Variants in SYNE2 observed in about 807,000 individuals in gnomAD.
SYNE2 encodes nesprin-2.
SYNE2 carries 431 observed loss-of-function variants against 856.3 expected under a neutral mutation model. That is an observed-to-expected ratio of 0.50 (90% CI 0.47 to 0.55). The LOEUF (loss-of-function observed/expected upper bound fraction) is 0.55, where lower values mean the gene tolerates loss of function less well. SYNE2 is among the 20% of genes least tolerant of loss of function. The pLI is 0.00. For missense variants in SYNE2, 8,129 were observed against 8,023.2 expected (o/e 1.01, Z -0.50); for synonymous variants, 2,923 against 2,872.3 (o/e 1.02, Z -0.56).
rs376066788 is a variant in SYNE2, at chr14:64,055,910, A to G, written c.9745-34A>G. On this transcript the variant is annotated intron_variant, in intron 48 of 115. Transcript: ENST00000555002. ...TGACAGGAATTCCAAAAGTTTGACA[A>G]TTTTGTCACAGCATTTAATCTCCTA... The G allele has an allele frequency of 6.9e-5, 110 of 1,585,990 alleles. No individual in the cohort carries two copies. In the African/African-American group the frequency reaches 7.9e-4, roughly 11 times the overall value.
At chr14:64,118,706 C>T (rs569866591) in intron 66 of SYNE2, among the ~76,000 whole-genome samples, 2 of 151,826 alleles carry the variant, frequency 1.3e-5, no homozygotes, top group South Asian at 4.2e-4. Context: ...ACTAAAAATA[C>T]AAAAATTAGC....
At chr14:64,037,634 A>G (rs991287254) in intron 45 of SYNE2, among the ~76,000 whole-genome samples, 5 of 150,828 alleles carry the variant, frequency 3.3e-5, no homozygotes, top group Admixed American at 6.6e-5. Flanking sequence ...CCCGTTCTCA[A>G]TGAGCTGTTG....
At chr14:63,993,586 G>A (rs1225142509) in intron 21 of SYNE2, among the ~76,000 whole-genome samples, 1 of 151,992 alleles carries the variant, frequency 6.6e-6, no homozygotes, top group Non-Finnish European at 1.5e-5. Flanking sequence ...TCTTAATCTG[G>A]GCCTTATGTG....
chr14:64,223,336 C>T lies in SYNE2; in HGVS notation c.20338C>T (p.Arg6780Trp), dbSNP rs138437515. Residue 6780 changes from arginine to tryptophan, a missense_variant, in exon 113 of 116, where the codon CGG (arginine) becomes TGG (tryptophan). Arg to Trp is a moderately radical substitution (Grantham distance 101, BLOSUM62 -3). This residue lies in a region of SYNE2 where 5,410 missense variants were observed against 5,284.8 expected (regional missense o/e 1.02). Transcript: ENST00000555002. ...TATTGAGAAGAAACTCAAACAGTTACGGGAGCAAGTGTCCCAAGATTTAAT... is the reference window on the plus strand; with the variant it reads ...TATTGAGAAGAAACTCAAACAGTTATGGGAGCAAGTGTCCCAAGATTTAAT... ...HVIEKKLKQLREQVSQDLMAL... is the reference protein window; with the variant it reads ...HVIEKKLKQLWEQVSQDLMAL... 72 of 1,614,008 alleles carry T rather than the reference C, an allele frequency of 4.5e-5. No homozygotes were observed. Among genetic ancestry groups the T allele is most frequent in the African/African-American group, 9.3e-5 (7 of 74,938 alleles).
intron 1 of SYNE2, among the ~76,000 whole-genome samples, chr14:63,767,232 A>G (rs188643724): frequency 1.3e-5 from 2 of 151,694 alleles, no homozygotes; most frequent in African/African-American, 4.8e-5. Context: ...TAGCCTCCCA[A>G]GTAGCTGGGA....
chr14:64,168,190 AC>A (rs1311063654), intron 92 of SYNE2, among the ~76,000 whole-genome samples: 3 of 151,806 alleles, frequency 2.0e-5, no homozygotes, highest in Non-Finnish European at 4.4e-5. Flanking sequence ...TGAAACTTCC[AC>A]CCCCCAGGCT....
Position 64,017,668 on chromosome 14 carries a change from TA to T in SYNE2, c.4967del (p.Asn1656MetfsTer19). On this transcript the variant is annotated frameshift_variant, in exon 34 of 116. Transcript: ENST00000555002. LOFTEE classifies it high-confidence loss of function. ...ALALWDKLFN[L>X]KNVIDEWTEK... ...GCTTTGTGGGACAAACTTTTTAACT[TA>T]AAAAATGTCATTGATGAGTGGACAG... 6.2e-7 allele frequency: 1 copy of T among 1,613,634 alleles called. No homozygotes were observed. Among genetic ancestry groups the T allele is most frequent in the Non-Finnish European group, 8.5e-7 (1 of 1,179,730 alleles).
At chr14:63,795,374 A>T (rs1158401616) in intron 1 of SYNE2, among the ~76,000 whole-genome samples, 2 of 152,106 alleles carry the variant, frequency 1.3e-5, no homozygotes, top group Non-Finnish European at 2.9e-5. Context: ...CCTGCCCTCA[A>T]ATATCAGACT....
intron 76 of SYNE2, among the ~76,000 whole-genome samples, chr14:64,130,897 A>G (rs3031361): frequency 0.16 from 24,847 of 150,992 alleles, 2,998 homozygotes; most frequent in African/African-American, 0.34. Flanking sequence ...AAAAAAAAAA[A>G]AAGAAGAAAA....
chr14:64,068,052 T>A (rs146859134), intron 51 of SYNE2, among the ~76,000 whole-genome samples: 1 of 152,294 alleles, frequency 6.6e-6, no homozygotes, highest in East Asian at 1.9e-4. Context: ...CCAATTTGAT[T>A]AGGATCCCAT....
intron 85 of SYNE2, among the ~76,000 whole-genome samples, chr14:64,154,368 A>G (rs772107612): frequency 1.3e-5 from 2 of 151,826 alleles, no homozygotes; most frequent in African/African-American, 2.4e-5. Context: ...CACAGCATCA[A>G]AAAAGTAAAG....
intron 1 of SYNE2, among the ~76,000 whole-genome samples, chr14:63,865,900 G>T (rs1895173776): frequency 1.3e-5 from 2 of 151,934 alleles, no homozygotes; most frequent in East Asian, 3.9e-4. Context: ...AGGATTTATG[G>T]ATCTTCTTGG....
chr14:64,219,932 G>C (rs941367798), intron 110 of SYNE2, among the ~76,000 whole-genome samples: 2 of 152,206 alleles, frequency 1.3e-5, no homozygotes, highest in Non-Finnish European at 2.9e-5. Context: ...GAGCTGCAAA[G>C]GGACAGTTTG....
Position 64,080,906 on chromosome 14 carries a change from A to G in SYNE2, c.11346+268A>G, listed in dbSNP as rs574150402. Among the ~76,000 whole-genome samples the G allele has an allele frequency of 2.0e-5, 3 of 152,292 alleles. No homozygotes were observed. The South Asian group carries it at 6.2e-4, about 32-fold the overall frequency. The stretch of plus-strand genomic sequence containing the variant: ...ACTGTTGGGAAGTCCAGGCTCCCCA[A>G]CAGGTGGATAAAGACCAGTAATGGG... On this transcript the variant is annotated intron_variant, in intron 56 of 115. Coordinates refer to ENST00000555002, the MANE Select transcript of SYNE2 (RefSeq NM_182914.3).
intron 54 of SYNE2, among the ~76,000 whole-genome samples, chr14:64,077,071 T>A (rs1488201186): frequency 6.6e-6 from 1 of 152,114 alleles, no homozygotes; most frequent in African/African-American, 2.4e-5. Context: ...CAGAGTAAAT[T>A]AATAATCAAA....
chr14:64,125,462 C>T (rs1013653131), intron 71 of SYNE2, among the ~76,000 whole-genome samples: 2 of 152,056 alleles, frequency 1.3e-5, no homozygotes, highest in Non-Finnish European at 2.9e-5. Context: ...TGATGAGTGC[C>T]GTCTGCAGTG....
rs553487994 is a variant in SYNE2 at position 64,020,167 on chromosome 14, T to C, written c.5151+74T>C. 13 of 1,055,158 alleles carry C rather than the reference T, an allele frequency of 1.2e-5. 1 individual carries two copies. In the South Asian group the frequency reaches 1.5e-4, roughly 13 times the overall value. The allele number at this position is 1,055,158 out of a possible 1,614,324, so 65.4% of individuals were successfully genotyped here. ...ATAATCATATCACTGCACTCCAGCCTGGGCGACAGAGCAAAACCCTGTCTC... is the reference window on the plus strand; with the variant it reads ...ATAATCATATCACTGCACTCCAGCCCGGGCGACAGAGCAAAACCCTGTCTC... On this transcript the variant is annotated intron_variant, in intron 35 of 115. Transcript: ENST00000555002.
At chr14:63,905,112 T>C (rs2095391490) in intron 1 of SYNE2, among the ~76,000 whole-genome samples, 1 of 152,192 alleles carries the variant, frequency 6.6e-6, no homozygotes, top group South Asian at 2.1e-4. Flanking sequence ...TAATATCAGA[T>C]GGTTGGAAAT....
intron 45 of SYNE2, among the ~76,000 whole-genome samples, chr14:64,043,522 G>A (rs912717992): frequency 4.0e-5 from 6 of 151,664 alleles, no homozygotes; most frequent in African/African-American, 1.2e-4. Context: ...GGTTTTGTGG[G>A]CTGGGCCCAG....
Sources: gnomAD v4.1 joint callset for allele counts (sites outside exome capture counted in the v4.1 genomes callset) on GRCh38, gnomAD v4.1.1 for gene constraint, gnomAD v4.1.1 regional missense constraint, MANE v1.5 for transcripts, NCBI Gene and HGNC (gene_info 2026-07-23, HGNC 2026-07-21) for gene names.